The following EHMT1 variants were observed in gnomAD, a reference collection of about 807,000 sequenced individuals.
The protein encoded by EHMT1 is euchromatic histone lysine methyltransferase 1.
EHMT1 carries 15 observed loss-of-function variants against 147.2 expected under a neutral mutation model. That is an observed-to-expected ratio of 0.10 (90% CI 0.07 to 0.16). The LOEUF (loss-of-function observed/expected upper bound fraction) is 0.16, where lower values mean the gene tolerates loss of function less well. EHMT1 is among the 10% of genes least tolerant of loss of function. The pLI, the probability that EHMT1 is intolerant of heterozygous loss-of-function variation, is 1.00. For missense variants in EHMT1, 1,587 were observed against 1,772.4 expected, an observed-to-expected ratio of 0.90 and a Z score of 1.88; for synonymous variants, 795 against 709.6, an observed-to-expected ratio of 1.12 and a Z score of -1.91.
At chr9:137,765,779 T>C (rs1026022785) in intron 10 of EHMT1, among the ~76,000 whole-genome samples, 2 of 151,908 alleles carry the variant, frequency 1.3e-5, no homozygotes, top group Non-Finnish European at 1.5e-5. Context: ...TTTCACTGTT[T>C]AGGTTTGTAG....
At chr9:137,684,492 T>C (rs1942252052) in intron 1 of EHMT1, among the ~76,000 whole-genome samples, 1 of 152,146 alleles carries the variant, frequency 6.6e-6, no homozygotes, top group Admixed American at 6.6e-5. Context: ...TTGTTGTTGT[T>C]GTTTTTGATT....
intron 1 of EHMT1, among the ~76,000 whole-genome samples, chr9:137,663,077 GCCA>G: frequency 6.6e-6 from 1 of 152,310 alleles, no homozygotes; most frequent in Admixed American, 6.5e-5. Flanking sequence ...ACAGGTGTGA[GCCA>G]CCGCGCCCAG....
At chr9:137,649,780 G>T (rs1386157511) in intron 1 of EHMT1, among the ~76,000 whole-genome samples, 1 of 152,178 alleles carries the variant, frequency 6.6e-6, no homozygotes, top group Non-Finnish European at 1.5e-5. Context: ...GGAGCCTTCA[G>T]AGGGACCACG....
chr9:137,752,201 G>A (rs542193492), intron 6 of EHMT1, 130 bp from the exon 7 acceptor site: 19 of 1,143,418 alleles, frequency 1.7e-5, no homozygotes, highest in Admixed American at 6.0e-5. Flanking sequence ...CCCCCGCCCC[G>A]CGAGCGTCTC....
intron 4 of EHMT1, among the ~76,000 whole-genome samples, chr9:137,739,227 G>C (rs1428086295): frequency 6.6e-6 from 1 of 151,852 alleles, no homozygotes; most frequent in Non-Finnish European, 1.5e-5. Flanking sequence ...AAAATTAGCC[G>C]GGCGTGGTGG....
intron 1 of EHMT1, among the ~76,000 whole-genome samples, chr9:137,635,579 G>A (rs1196522783): frequency 6.6e-6 from 1 of 151,478 alleles, no homozygotes; most frequent in Non-Finnish European, 1.5e-5. Context: ...CCAGCACTTT[G>A]GGAGGCCGAG....
chr9:137,677,205 C>G (rs1941439701), intron 1 of EHMT1, among the ~76,000 whole-genome samples: 1 of 152,034 alleles, frequency 6.6e-6, no homozygotes. Flanking sequence ...GCAATCTCTG[C>G]TCATTGCAAC....
rs541927771 is a variant in EHMT1, at chr9:137,777,525, T to C, written c.2019-357T>C. The C allele has an allele frequency of 2.7e-5, 9 of 328,712 alleles. No homozygotes were observed. The South Asian group carries it at 3.5e-4, about 13-fold the overall frequency. 20.4% of individuals were successfully genotyped at this position (328,712 alleles called of 1,614,324 possible). On this transcript the variant is annotated intron_variant, in intron 12 of 26. Coordinates refer to ENST00000460843, the MANE Select transcript of EHMT1 (RefSeq NM_024757.5). ...TCCTTGAAGATTATTTAAAAGAGAC[T>C]CAAATTGTGGACATGTTAAGGTGAT...
At chr9:137,811,128 C>T (rs1954447582) in intron 18 of EHMT1, among the ~76,000 whole-genome samples, 1 of 152,110 alleles carries the variant, frequency 6.6e-6, no homozygotes, top group South Asian at 2.1e-4. Flanking sequence ...AGAAAAGTGC[C>T]TCCAAGTGTT....
At chr9:137,815,782 C>T (rs1954870866) in intron 22 of EHMT1, 165 bp from the exon 23 acceptor site, 11 of 688,584 alleles carry the variant, frequency 1.6e-5, no homozygotes, top group Non-Finnish European at 2.1e-5. Flanking sequence ...TCATCCAAAC[C>T]GTACACATGG....
chr9:137,809,361 T>G (rs950987496), intron 18 of EHMT1, among the ~76,000 whole-genome samples: 16 of 152,214 alleles, frequency 1.1e-4, no homozygotes, highest in Non-Finnish European at 2.4e-4. Flanking sequence ...TCCTTCTCTC[T>G]TGGGGGTGAC....
At chr9:137,647,104 T>G (rs1478301263) in intron 1 of EHMT1, among the ~76,000 whole-genome samples, 2 of 152,192 alleles carry the variant, frequency 1.3e-5, no homozygotes, top group Non-Finnish European at 2.9e-5. Flanking sequence ...TCTTCTGGTT[T>G]CCTGCCGCCT....
At chr9:137,812,028 C>T (rs1747737268) in intron 19 of EHMT1, among the ~76,000 whole-genome samples, 1 of 152,204 alleles carries the variant, frequency 6.6e-6, no homozygotes, top group South Asian at 2.1e-4. Context: ...ACTCGCCACT[C>T]AGGGCCCTTT....
At chr9:137,662,148 G>C (rs1023254008) in intron 1 of EHMT1, among the ~76,000 whole-genome samples, 6 of 152,112 alleles carry the variant, frequency 3.9e-5, no homozygotes, top group African/African-American at 1.4e-4. Flanking sequence ...TCTGCTGATA[G>C]TATATATATA....
intron 6 of EHMT1, among the ~76,000 whole-genome samples, chr9:137,749,316 T>C (rs1255242385): frequency 1.3e-5 from 2 of 152,176 alleles, no homozygotes; most frequent in African/African-American, 2.4e-5. Flanking sequence ...TTGTGCAGGC[T>C]GGAGTGAGTG....
intron 3 of EHMT1, among the ~76,000 whole-genome samples, chr9:137,725,719 CAAG>C (rs1483712220): frequency 6.6e-6 from 1 of 152,040 alleles, no homozygotes; most frequent in Non-Finnish European, 1.5e-5. Flanking sequence ...GACAGAGAGG[CAAG>C]GAGGGAGGGA....
chr9:137,822,453 A>G (rs1955491439), intron 25 of EHMT1, among the ~76,000 whole-genome samples: 1 of 152,198 alleles, frequency 6.6e-6, no homozygotes, highest in Admixed American at 6.5e-5. Flanking sequence ...TAGTTTTCCA[A>G]AGTGGTTATA....
At chr9:137,773,468 C>G (rs886127753) in intron 10 of EHMT1, among the ~76,000 whole-genome samples, 1 of 151,092 alleles carries the variant, frequency 6.6e-6, no homozygotes, top group Non-Finnish European at 1.5e-5. Flanking sequence ...ATCGAGAAGT[C>G]TCTTGCTGGC....
chr9:137,749,553 G>T (rs1478404470), intron 6 of EHMT1, among the ~76,000 whole-genome samples: 1 of 152,040 alleles, frequency 6.6e-6, no homozygotes, highest in Admixed American at 6.6e-5. Flanking sequence ...ACCTGCCTTG[G>T]CTTCCCAAAG....
Sources: allele counts gnomAD v4.1 joint callset (sites outside exome capture counted in the v4.1 genomes callset), GRCh38; gene constraint gnomAD v4.1.1; transcripts MANE v1.5; gene names NCBI Gene and HGNC (gene_info 2026-07-23, HGNC 2026-07-21).